The following MAP7 variants were observed in gnomAD, a reference collection of about 807,000 sequenced individuals.
The protein encoded by MAP7 is ensconsin.
In MAP7, 52 loss-of-function variants were observed where a neutral mutation model predicts 94.8. The ratio of observed to expected loss-of-function variants is 0.55; its 90% CI spans 0.44 to 0.69. MAP7 has a LOEUF of 0.69. Among genes scored for constraint, MAP7 ranks in the 30% least tolerant of loss-of-function variants. The pLI, the probability that MAP7 is intolerant of heterozygous loss-of-function variation, is 0.00. For synonymous variants in MAP7, 350 were observed against 357.0 expected (o/e 0.98, Z 0.22); for missense variants, 940 against 964.6 (o/e 0.97, Z 0.34).
At chr6:136,487,047 T>C (rs943075279) in intron 1 of MAP7, among the ~76,000 whole-genome samples, 1 of 152,070 alleles carries the variant, frequency 6.6e-6, no homozygotes, top group Non-Finnish European at 1.5e-5. Flanking sequence ...AACTAAAACA[T>C]AAACCACCTA....
intron 1 of MAP7, among the ~76,000 whole-genome samples, chr6:136,435,118 C>T (rs973906176): frequency 6.6e-6 from 1 of 152,170 alleles, no homozygotes; most frequent in African/African-American, 2.4e-5. Flanking sequence ...CCATTTCATA[C>T]TTTACAACAT....
intron 1 of MAP7, among the ~76,000 whole-genome samples, chr6:136,531,342 C>G (rs914923413): frequency 6.9e-6 from 1 of 144,776 alleles, no homozygotes; most frequent in Admixed American, 6.7e-5. Context: ...CACTGAGGGT[C>G]TGTGAGCAGT....
intron 1 of MAP7, among the ~76,000 whole-genome samples, chr6:136,495,255 C>T (rs180827869): frequency 2.3e-3 from 351 of 152,190 alleles, no homozygotes; most frequent in Non-Finnish European, 4.0e-3. Flanking sequence ...CGAAAACTTT[C>T]CTAAATGGTG....
chr6:136,402,794 T>C (rs77165870), intron 3 of MAP7, among the ~76,000 whole-genome samples: 1 of 145,894 alleles, frequency 6.9e-6, no homozygotes, highest in East Asian at 2.0e-4. Flanking sequence ...TAGTCCCAGC[T>C]ACTCGGGAGG....
chr6:136,497,210 C>T (rs1818513471), intron 1 of MAP7, among the ~76,000 whole-genome samples: 1 of 151,970 alleles, frequency 6.6e-6, no homozygotes, highest in African/African-American at 2.4e-5. Context: ...TGTAGAATGA[C>T]TGGCTTATTT....
intron 1 of MAP7, among the ~76,000 whole-genome samples, chr6:136,501,026 A>G (rs1173189880): frequency 3.9e-5 from 6 of 152,242 alleles, no homozygotes; most frequent in African/African-American, 1.4e-4. Flanking sequence ...CCCTCATTGC[A>G]ATGTAAATTT....
chr6:136,534,728 T>G (rs911867771), intron 1 of MAP7, among the ~76,000 whole-genome samples: 2 of 152,200 alleles, frequency 1.3e-5, no homozygotes, highest in Non-Finnish European at 2.9e-5. Context: ...CCCTCTTTAT[T>G]TTCACTAATG....
chr6:136,446,169 A>G (rs1329492170), intron 1 of MAP7, among the ~76,000 whole-genome samples: 3 of 152,012 alleles, frequency 2.0e-5, no homozygotes, highest in Non-Finnish European at 2.9e-5. Flanking sequence ...TGGACAGGGC[A>G]CAGCATGGGA....
intron 5 of MAP7, among the ~76,000 whole-genome samples, chr6:136,386,634 AT>A (rs1278293577): frequency 2.0e-5 from 3 of 152,218 alleles, no homozygotes; most frequent in African/African-American, 7.2e-5. Context: ...TATATAAAAA[AT>A]ATCCCATCAA....
At chr6:136,448,884 C>T (rs989023592) in intron 1 of MAP7, among the ~76,000 whole-genome samples, 1 of 151,930 alleles carries the variant, frequency 6.6e-6, no homozygotes, top group African/African-American at 2.4e-5. Flanking sequence ...TTGAAAAAGC[C>T]TCATGCACTG....
intron 16 of MAP7, among the ~76,000 whole-genome samples, chr6:136,349,929 C>T (rs150397159): frequency 2.0e-5 from 3 of 152,158 alleles, no homozygotes; most frequent in East Asian, 1.9e-4. Flanking sequence ...GTTAGGGGGT[C>T]GCCATCCTCC....
chr6:136,355,257 C>CTTT (rs199649689), intron 16 of MAP7, among the ~76,000 whole-genome samples: 1 of 149,294 alleles, frequency 6.7e-6, no homozygotes, highest in Non-Finnish European at 1.5e-5. Context: ...ATCTTTTATT[C>CTTT]TTTTTTTTTT....
Position 136,549,902 on chromosome 6 carries a change from G to T in MAP7, c.67+440C>A, listed in dbSNP as rs1022740154. Among the ~76,000 whole-genome samples the T allele has an allele frequency of 3.9e-4, 60 of 152,230 alleles. 2 individuals carry two copies. The highest frequency in any genetic ancestry group is 2.9e-5 in the Non-Finnish European group (2 of 68,026). Reference sequence around the variant, plus strand: ...GGCACCCGGGGCGACCAGGGAAGGCGGGAGGAGGTGCCCAGAAACTGCTCG... The same window carrying T: ...GGCACCCGGGGCGACCAGGGAAGGCTGGAGGAGGTGCCCAGAAACTGCTCG... On this transcript the variant is annotated intron_variant, in intron 1 of 17. Coordinates refer to ENST00000354570, the MANE Select transcript of MAP7 (RefSeq NM_003980.6).
rs1167523122 is a variant in MAP7 at position 136,411,600 on chromosome 6, G to A, written c.244+20C>T. The A allele has an allele frequency of 1.9e-6, 3 of 1,552,918 alleles. No individual in the cohort carries two copies. The East Asian group carries it at 7.3e-5, about 38-fold the overall frequency. ...TGACATCCATTCAAATCAGGGCCATGGACACGGGGCCTGGGGTACCTAGCT... is the reference window on the plus strand; with the variant it reads ...TGACATCCATTCAAATCAGGGCCATAGACACGGGGCCTGGGGTACCTAGCT... On this transcript the variant is annotated intron_variant, in intron 3 of 17. Transcript: ENST00000354570.
chr6:136,542,217 C>T (rs1181284276), intron 1 of MAP7, among the ~76,000 whole-genome samples: 1 of 152,154 alleles, frequency 6.6e-6, no homozygotes, highest in Non-Finnish European at 1.5e-5. Flanking sequence ...ACAACCGTAA[C>T]TCAGAGTTTT....
intron 16 of MAP7, among the ~76,000 whole-genome samples, chr6:136,352,745 C>T (rs1789593119): frequency 6.6e-6 from 1 of 152,126 alleles, no homozygotes; most frequent in South Asian, 2.1e-4. Context: ...AAATAAGACC[C>T]ATAAAACTAT....
At chr6:136,366,075 G>A (rs758050808) in intron 9 of MAP7, 57 bp from the exon 10 acceptor site, 9 of 1,527,594 alleles carry the variant, frequency 5.9e-6, no homozygotes, top group Non-Finnish European at 7.1e-6. Context: ...AGGCTTGCCA[G>A]AACCTAGAAC....
At chr6:136,383,269 T>C (rs1378009038) in intron 6 of MAP7, among the ~76,000 whole-genome samples, 1 of 152,312 alleles carries the variant, frequency 6.6e-6, no homozygotes, top group Admixed American at 6.5e-5. Flanking sequence ...AAAAAGTTTT[T>C]AAAGAAAGTC....
At chr6:136,410,979 G>C (rs970883317) in intron 3 of MAP7, among the ~76,000 whole-genome samples, 4 of 152,180 alleles carry the variant, frequency 2.6e-5, no homozygotes, top group African/African-American at 9.7e-5. Flanking sequence ...GTTTTAGCAA[G>C]TTTACATAAA....
Sources: gnomAD v4.1 joint callset for allele counts (sites outside exome capture counted in the v4.1 genomes callset) on GRCh38, gnomAD v4.1.1 for gene constraint, MANE v1.5 for transcripts, NCBI Gene and HGNC (gene_info 2026-07-23, HGNC 2026-07-21) for gene names.